Variants in NRXN1 observed in about 807,000 individuals in gnomAD.
The protein encoded by NRXN1 is neurexin-1.
In NRXN1, 39 loss-of-function variants were observed where a neutral mutation model predicts 150.9. That is an observed-to-expected ratio of 0.26 (90% CI 0.20 to 0.34). The LOEUF (loss-of-function observed/expected upper bound fraction) is 0.34. NRXN1 is among the 10% of genes least tolerant of loss of function. The probability of loss-of-function intolerance (pLI) is 1.00; values close to 1 mark genes in which losing one functional copy is unlikely to be tolerated. For synonymous variants in NRXN1, 924 were observed against 757.0 expected (o/e 1.22, Z -3.62); for missense variants, 1,815 against 1,949.9 (o/e 0.93, Z 1.30).
At chr2:50,499,822 C>T (rs1276847092) in intron 13 of NRXN1, among the ~76,000 whole-genome samples, 1 of 151,804 alleles carries the variant, frequency 6.6e-6, no homozygotes, top group Non-Finnish European at 1.5e-5. Context: ...GTGGTGGGCG[C>T]CTGTAATCCC....
chr2:50,806,177 G>C (rs956426269), intron 5 of NRXN1, among the ~76,000 whole-genome samples: 1 of 152,092 alleles, frequency 6.6e-6, no homozygotes, highest in African/African-American at 2.4e-5. Flanking sequence ...TTTCCAGTTT[G>C]ATGTAGGCAG....
At chr2:50,721,885 G>A (rs1413847603) in intron 5 of NRXN1, among the ~76,000 whole-genome samples, 3 of 152,048 alleles carry the variant, frequency 2.0e-5, no homozygotes, top group Non-Finnish European at 4.4e-5. Context: ...CGAAACTAGT[G>A]AGTAGCAGAG....
chr2:50,261,119 C>T (rs2152911655), intron 17 of NRXN1, among the ~76,000 whole-genome samples: 1 of 151,842 alleles, frequency 6.6e-6, no homozygotes, highest in South Asian at 2.1e-4. Context: ...ACTATTAACT[C>T]TTTCTTCTAA....
intron 19 of NRXN1, among the ~76,000 whole-genome samples, chr2:50,061,785 G>A (rs565691857): frequency 1.1e-4 from 17 of 152,252 alleles, no homozygotes; most frequent in East Asian, 1.9e-4. Context: ...TTTTCCTCCA[G>A]TTAATTTTGT....
chr2:50,050,994 T>C (rs1692627555), intron 21 of NRXN1, among the ~76,000 whole-genome samples: 2 of 152,136 alleles, frequency 1.3e-5, no homozygotes. Flanking sequence ...ATGAACCTAA[T>C]AATCTTTTAT....
rs140312074 is a variant in NRXN1 at position 50,341,624 on chromosome 2, T to A, written c.3365-104654A>T. ...TTTAGTCAGACCAGTCTGCATTAAT[T>A]ATTCATTATTAGTGTAAATTTAAAT... On this transcript the variant is annotated intron_variant, in intron 17 of 22. Coordinates refer to ENST00000401669, the MANE Select transcript of NRXN1 (RefSeq NM_001330078.2). Among the ~76,000 whole-genome samples the A allele has an allele frequency of 2.6e-5, 4 of 152,364 alleles. No homozygotes were observed. The East Asian group carries it at 5.8e-4, about 22-fold the overall frequency.
intron 17 of NRXN1, among the ~76,000 whole-genome samples, chr2:50,421,877 T>G (rs997730991): frequency 6.6e-6 from 1 of 152,148 alleles, no homozygotes; most frequent in Non-Finnish European, 1.5e-5. Flanking sequence ...TTTGGGATAG[T>G]CAATTTACAA....
chr2:50,373,189 C>A (rs1258019141), intron 17 of NRXN1, among the ~76,000 whole-genome samples: 5 of 151,704 alleles, frequency 3.3e-5, no homozygotes, highest in Non-Finnish European at 4.4e-5. Context: ...TCCCTGTGAG[C>A]CAAACCACAC....
intron 17 of NRXN1, among the ~76,000 whole-genome samples, chr2:50,343,034 A>T (rs1209505492): frequency 2.0e-5 from 3 of 152,210 alleles, no homozygotes; most frequent in Non-Finnish European, 2.9e-5. Context: ...CTTATATAAC[A>T]CCATTAAGCA....
chr2:50,571,387 C>T (rs10204521), intron 8 of NRXN1, among the ~76,000 whole-genome samples: 65,934 of 151,924 alleles, frequency 0.43, 17,041 homozygotes, highest in African/African-American at 0.73. Context: ...CATTCTTAGA[C>T]ACAATGAGGA....
At chr2:50,430,187 A>T (rs2084847094) in intron 17 of NRXN1, among the ~76,000 whole-genome samples, 1 of 152,180 alleles carries the variant, frequency 6.6e-6, no homozygotes, top group African/African-American at 2.4e-5. Context: ...ATCAGTCATG[A>T]CGGGGAGTTT....
intron 17 of NRXN1, among the ~76,000 whole-genome samples, chr2:50,259,778 T>G (rs2068064715): frequency 1.3e-5 from 2 of 151,946 alleles, no homozygotes; most frequent in Non-Finnish European, 2.9e-5. Context: ...CAGGTTTCAC[T>G]ATACTATATT....
chr2:50,053,942 T>C (rs1003532548), intron 20 of NRXN1, among the ~76,000 whole-genome samples: 2 of 152,208 alleles, frequency 1.3e-5, no homozygotes, highest in Non-Finnish European at 2.9e-5. Context: ...TAAGACAACA[T>C]TTCAAGTATT....
intron 18 of NRXN1, among the ~76,000 whole-genome samples, chr2:50,173,036 AT>A (rs1157839792): frequency 6.6e-6 from 1 of 152,204 alleles, no homozygotes; most frequent in Non-Finnish European, 1.5e-5. Flanking sequence ...ATAAATAAAC[AT>A]ATACGCGCAA....
At chr2:50,124,607 C>G (rs1704312264) in intron 18 of NRXN1, among the ~76,000 whole-genome samples, 1 of 152,050 alleles carries the variant, frequency 6.6e-6, no homozygotes, top group Non-Finnish European at 1.5e-5. Context: ...CCCAAAACTT[C>G]CATTGTGCCC....
chr2:51,028,140 T>A lies in NRXN1; in HGVS notation c.134A>T (p.Lys45Met). 1 of 1,555,198 alleles carries A rather than the reference T, an allele frequency of 6.4e-7. No individual in the cohort carries two copies. Among genetic ancestry groups the A allele is most frequent in the Non-Finnish European group, 8.7e-7 (1 of 1,153,318 alleles). The change falls in exon 2 of 23, where the codon AAG becomes ATG. Residue 45 changes from lysine to methionine, a missense_variant. Lys to Met is a moderately conservative substitution (Grantham distance 95). Around this residue, in one of 6 missense-constraint regions of NRXN1, gnomAD observed 554 missense variants for 478.8 expected, o/e 1.16. Coordinates refer to ENST00000401669, the MANE Select transcript of NRXN1 (RefSeq NM_001330078.2). ...GAEGQWTRFP[K>M]WNACCESEMS... ...CTCGCTCTCGCAGCAGGCGTTCCAC[T>A]TGGGGAAGCGCGTCCATTGGCCCTC... is the stretch of plus-strand genomic sequence containing the variant.
intron 21 of NRXN1, among the ~76,000 whole-genome samples, chr2:49,961,156 C>T (rs1675866848): frequency 6.6e-6 from 1 of 151,850 alleles, no homozygotes; most frequent in African/African-American, 2.4e-5. Flanking sequence ...CAGCAGAATG[C>T]CCTACATAAA....
At chr2:50,955,645 A>T (rs1490450779) in intron 2 of NRXN1, among the ~76,000 whole-genome samples, 1 of 152,232 alleles carries the variant, frequency 6.6e-6, no homozygotes, top group Non-Finnish European at 1.5e-5. Flanking sequence ...TAGGCAACTC[A>T]TTTATGCCAG....
chr2:50,618,393 A>C (rs998495802), intron 8 of NRXN1, among the ~76,000 whole-genome samples: 9 of 152,222 alleles, frequency 5.9e-5, no homozygotes, highest in Admixed American at 1.3e-4. Context: ...TTTTTAAATC[A>C]AATAACTGTG....
Sources: gnomAD v4.1 joint callset for allele counts (sites outside exome capture counted in the v4.1 genomes callset) on GRCh38, gnomAD v4.1.1 for gene constraint, gnomAD v4.1.1 regional missense constraint, MANE v1.5 for transcripts, NCBI Gene and HGNC (gene_info 2026-07-23, HGNC 2026-07-21) for gene names.